KCNT2: variants seen among roughly 807,000 people sequenced by gnomAD.
The protein encoded by KCNT2 is potassium sodium-activated channel subfamily T member 2, also known as potassium channel subfamily T member 2.
Under a neutral mutation model 153.8 loss-of-function variants are expected in KCNT2, and 67 were observed. That is an observed-to-expected ratio of 0.44 (90% CI 0.36 to 0.53). The LOEUF is 0.53. Among genes scored for constraint, KCNT2 ranks in the 20% least tolerant of loss-of-function variants. The pLI is 0.00. For missense variants in KCNT2, 975 were observed against 1,354.8 expected, an observed-to-expected ratio of 0.72 and a Z score of 4.40; for synonymous variants, 500 against 458.8, an observed-to-expected ratio of 1.09 and a Z score of -1.15.
chr1:196,411,083 T>G (rs866995047), intron 12 of KCNT2, among the ~76,000 whole-genome samples: 1 of 50,976 alleles, frequency 2.0e-5, no homozygotes, highest in Non-Finnish European at 4.5e-5. Flanking sequence ...CCTTCCTTCC[T>G]TCCTTCCTTC....
At chr1:196,270,800 T>C (rs1288086331) in intron 25 of KCNT2, among the ~76,000 whole-genome samples, 4 of 151,806 alleles carry the variant, frequency 2.6e-5, no homozygotes. Context: ...CTGAAATATA[T>C]AGACTAAAGC....
intron 1 of KCNT2, among the ~76,000 whole-genome samples, chr1:196,556,516 T>C (rs1658685845): frequency 6.6e-6 from 1 of 151,256 alleles, no homozygotes; most frequent in African/African-American, 2.4e-5. Context: ...AGTGAGGATG[T>C]GAAGAATTGT....
At chr1:196,482,250 A>C in intron 4 of KCNT2, 81 bp downstream of exon 4, 2 of 851,988 alleles carry the variant, frequency 2.3e-6, no homozygotes, top group South Asian at 1.6e-5. Context: ...CATTTTGAAC[A>C]TCAAAAGCTC....
Position 196,416,683 on chromosome 1 carries a change from A to G in KCNT2, c.1185+6367T>C, listed in dbSNP as rs1036891060. ...CTCCTGATTCATAAGTAAAAGTAAG[A>G]CAGAATAATTTAATCAGAAGTTTAG... On this transcript the variant is annotated intron_variant, in intron 12 of 27. Transcript: ENST00000294725. 5.9e-5 allele frequency among the ~76,000 whole-genome samples: 9 copies of G among 152,108 alleles called. No individual in the cohort carries two copies. The South Asian group carries it at 1.9e-3, about 31-fold the overall frequency.
chr1:196,474,499 A>T (rs141543299), intron 5 of KCNT2, among the ~76,000 whole-genome samples: 339 of 152,344 alleles, frequency 2.2e-3, no homozygotes, highest in Non-Finnish European at 3.9e-3. Flanking sequence ...AGTATCTGGT[A>T]TTCAGGAGTC....
chr1:196,497,703 A>C (rs183391020), intron 1 of KCNT2, among the ~76,000 whole-genome samples: 5 of 152,252 alleles, frequency 3.3e-5, no homozygotes, highest in Admixed American at 2.0e-4. Context: ...ATTAAAAAAA[A>C]CCTATATCGA....
At chr1:196,320,724 A>AC (rs895431281) in intron 19 of KCNT2, among the ~76,000 whole-genome samples, 7 of 151,634 alleles carry the variant, frequency 4.6e-5, no homozygotes, top group African/African-American at 1.7e-4. Context: ...AAAAAAAAAA[A>AC]AACTTGTAAA....
chr1:196,601,656 CTTA>C (rs1664736761), intron 1 of KCNT2, among the ~76,000 whole-genome samples: 2 of 152,192 alleles, frequency 1.3e-5, no homozygotes, highest in Non-Finnish European at 2.9e-5. Context: ...TTTTAAACCA[CTTA>C]TTATGATGGT....
intron 16 of KCNT2, among the ~76,000 whole-genome samples, chr1:196,339,548 G>GAC (rs1327105291): frequency 1.3e-5 from 2 of 150,614 alleles, no homozygotes; most frequent in Non-Finnish European, 3.0e-5. Flanking sequence ...GAGAGAGAGA[G>GAC]AGAGACAGAG....
At chr1:196,331,820 C>T (rs147343208) in intron 17 of KCNT2, among the ~76,000 whole-genome samples, 24 of 152,124 alleles carry the variant, frequency 1.6e-4, no homozygotes, top group African/African-American at 5.8e-4. Context: ...TATTCATTAG[C>T]CATAACTACA....
chr1:196,286,016 A>G (rs1659620379), intron 22 of KCNT2, among the ~76,000 whole-genome samples: 1 of 152,170 alleles, frequency 6.6e-6, no homozygotes, highest in Non-Finnish European at 1.5e-5. Flanking sequence ...TCTTCATACA[A>G]GAAGAGACAT....
intron 14 of KCNT2, among the ~76,000 whole-genome samples, chr1:196,355,451 A>T (rs1022717614): frequency 6.6e-6 from 1 of 151,774 alleles, no homozygotes; most frequent in African/African-American, 2.4e-5. Context: ...AAGTGGAGAG[A>T]ATAGGAAAAT....
chr1:196,271,666 G>GT (rs544229017), intron 25 of KCNT2, among the ~76,000 whole-genome samples: 89 of 152,004 alleles, frequency 5.9e-4, no homozygotes, highest in Admixed American at 2.6e-3. Context: ...AGATTTAAGA[G>GT]TACAGTTTTT....
At chr1:196,410,918 C>T (rs985807060) in intron 12 of KCNT2, among the ~76,000 whole-genome samples, 1 of 149,698 alleles carries the variant, frequency 6.7e-6, no homozygotes, top group Non-Finnish European at 1.5e-5. Flanking sequence ...CCTTCCTTTC[C>T]TTCTTTCTTT....
intron 25 of KCNT2, among the ~76,000 whole-genome samples, chr1:196,267,824 G>A (rs1318326665): frequency 1.3e-5 from 2 of 152,122 alleles, no homozygotes; most frequent in African/African-American, 4.8e-5. Context: ...CTATAGGAAA[G>A]GGCCAAACTT....
chr1:196,403,016 A>G (rs1041236282), intron 12 of KCNT2, among the ~76,000 whole-genome samples: 2 of 151,708 alleles, frequency 1.3e-5, no homozygotes, highest in Admixed American at 6.6e-5. Context: ...ACAATTTCTT[A>G]CAAAACTAAG....
chr1:196,503,387 A>G (rs1680856575), intron 1 of KCNT2, among the ~76,000 whole-genome samples: 1 of 152,202 alleles, frequency 6.6e-6, no homozygotes, highest in Admixed American at 6.6e-5. Flanking sequence ...TAAGCTTATA[A>G]TATGACTACA....
At chr1:196,502,543 A>AT (rs2148768950) in intron 1 of KCNT2, among the ~76,000 whole-genome samples, 1 of 152,346 alleles carries the variant, frequency 6.6e-6, no homozygotes, top group African/African-American at 2.4e-5. Flanking sequence ...GGGATAAATA[A>AT]CAACTATCAA....
At chr1:196,396,993 G>A (rs1670991669) in intron 13 of KCNT2, among the ~76,000 whole-genome samples, 1 of 151,152 alleles carries the variant, frequency 6.6e-6, no homozygotes, top group Non-Finnish European at 1.5e-5. Flanking sequence ...ATTGTTTTAA[G>A]GTCTTGATAC....
Sources: allele counts gnomAD v4.1 joint callset (sites outside exome capture counted in the v4.1 genomes callset), GRCh38; gene constraint gnomAD v4.1.1; transcripts MANE v1.5; gene names NCBI Gene and HGNC (gene_info 2026-07-23, HGNC 2026-07-21).